LRP5: variants seen among roughly 807,000 people sequenced by gnomAD.
LRP5 encodes the protein low-density lipoprotein receptor-related protein 5.
A neutral mutation model predicts 154.1 loss-of-function variants in LRP5; 62 were observed. The ratio of observed to expected loss-of-function variants is 0.40; its 90% confidence interval spans 0.33 to 0.50. The LOEUF is 0.50. LRP5 is among the 20% of genes least tolerant of loss of function. LRP5 has a pLI of 0.55. For missense variants in LRP5, 1,915 were observed against 2,336.7 expected, an observed-to-expected ratio of 0.82 and a Z score of 3.72; for synonymous variants, 966 against 1,011.5, an observed-to-expected ratio of 0.96 and a Z score of 0.85.
Position 68,312,688 on chromosome 11 carries a change from C to G in LRP5, c.-27C>G. The G allele has an allele frequency of 1.0e-6, 1 of 984,434 alleles. No homozygotes were observed. 61.0% of individuals were successfully genotyped at this position (984,434 alleles called of 1,614,324 possible). A position where few individuals can be genotyped will look rare whatever the true frequency, so the allele number is the denominator to read the frequency against. ...CGCCATGGAGCCCGAGTGAGCGCGG[C>G]GCGGGCCCGTCCGGCCGCCGGACAA... On this transcript the variant is annotated 5_prime_UTR_variant, in exon 1 of 23. Transcript: ENST00000294304.
intron 5 of LRP5, among the ~76,000 whole-genome samples, chr11:68,384,334 A>T (rs1400125861): frequency 2.0e-5 from 3 of 152,158 alleles, no homozygotes; most frequent in Admixed American, 6.5e-5. Flanking sequence ...CTGCAGGGCC[A>T]GGTCTAGGGG....
chr11:68,340,152 A>G (rs961854471), intron 1 of LRP5, among the ~76,000 whole-genome samples: 1 of 152,210 alleles, frequency 6.6e-6, no homozygotes, highest in Admixed American at 6.5e-5. Context: ...AGGTGGGAGA[A>G]TCGCTTGAAA....
chr11:68,308,256 G>T (rs1006176793), upstream of LRP5, among the ~76,000 whole-genome samples: 4 of 151,834 alleles, frequency 2.6e-5, no homozygotes, highest in South Asian at 2.1e-4. Context: ...CTGCCGGGTT[G>T]GGGGGGGCTC....
chr11:68,419,588 G>A (rs113924640), intron 13 of LRP5, among the ~76,000 whole-genome samples: 3 of 149,186 alleles, frequency 2.0e-5, no homozygotes, highest in African/African-American at 5.0e-5. Context: ...CGCCCAGGCT[G>A]GAGTGCAGTG....
At chr11:68,448,690 C>A in intron 22 of LRP5, 119 bp from the exon 23 acceptor site, 1 of 1,307,596 alleles carries the variant, frequency 7.6e-7, no homozygotes, top group Non-Finnish European at 1.1e-6. Context: ...AGAGTCCGGC[C>A]TGCATCTTCT....
intron 1 of LRP5, among the ~76,000 whole-genome samples, chr11:68,317,503 C>T (rs562007078): frequency 2.0e-5 from 3 of 150,060 alleles, no homozygotes; most frequent in Admixed American, 2.0e-4. Flanking sequence ...AGGAGCAGAA[C>T]GGGGTGCTGG....
chr11:68,298,612 G>C, the LRP5 span, among the ~76,000 whole-genome samples: 1 of 152,154 alleles, frequency 6.6e-6, no homozygotes, highest in South Asian at 2.1e-4. Context: ...GTGATCTTTG[G>C]GCTCAGTGCC....
At chr11:68,437,050 G>A (rs1359748951) in intron 19 of LRP5, 51 bp downstream of exon 19, 1 of 1,496,624 alleles carries the variant, frequency 6.7e-7, no homozygotes, top group South Asian at 1.1e-5. Context: ...GGTTCCCCCA[G>A]GAACGTGGAG....
At chr11:68,415,006 G>A (rs1016617816) in intron 12 of LRP5, among the ~76,000 whole-genome samples, 3 of 152,222 alleles carry the variant, frequency 2.0e-5, no homozygotes, top group African/African-American at 7.2e-5. Flanking sequence ...CAGAGTCCCC[G>A]TCCTGTGGCC....
rs371514699 is a variant in LRP5 at position 68,386,357 on chromosome 11, C to T, written c.1057C>T (p.Arg353Trp). The T allele has an allele frequency of 1.1e-5, 17 of 1,613,392 alleles. No homozygotes were observed. The highest frequency in any genetic ancestry group is 1.4e-5 in the Non-Finnish European group (16 of 1,180,018). ...VLLLARRTDL[R>W]RISLDTPDFT... ...GCTGCTGGCCCGGCGGACGGACCTA[C>T]GGAGGATCTCGCTGGACACGCCGGA... Residue 353 changes from arginine to tryptophan, a missense_variant, in exon 6 of 23, where the codon CGG (arginine) becomes TGG (tryptophan). Physicochemically the swap from Arg to Trp is moderately radical, Grantham distance 101 (BLOSUM62 -3). Around this residue, in one of 3 missense-constraint regions of LRP5, gnomAD observed 773 missense variants for 1,100.9 expected, o/e 0.70. Transcript: ENST00000294304. The surrounding 1 kb of genome is among the most constrained non-coding windows in gnomAD (Gnocchi z 7.9).
chr11:68,329,956 T>C (rs1591181594), intron 1 of LRP5, among the ~76,000 whole-genome samples: 1 of 152,230 alleles, frequency 6.6e-6, no homozygotes, highest in East Asian at 1.9e-4. Flanking sequence ...CAGGTCAAAC[T>C]GGGACTCTGA....
At position 68,372,398 on chromosome 11, in the gene LRP5, G is replaced by T. The variant is rs529868046; in HGVS notation, c.1015+6696G>T. Among the ~76,000 whole-genome samples, 14 of 149,654 alleles carry T rather than the reference G, an allele frequency of 9.4e-5. No homozygotes were observed. In the South Asian group the frequency reaches 1.5e-3, roughly 16 times the overall value. On this transcript the variant is annotated intron_variant, in intron 5 of 22. Coordinates refer to ENST00000294304, the MANE Select transcript of LRP5 (RefSeq NM_002335.4). Reference sequence around the variant, plus strand: ...CCGGGACCGTGGTGGTGTTGAGGAGGTGCAGTGTCAGGCAGACCCGGGACC... The same window carrying T: ...CCGGGACCGTGGTGGTGTTGAGGAGTTGCAGTGTCAGGCAGACCCGGGACC...
At chr11:68,362,915 C>T (rs1234159514) in intron 3 of LRP5, among the ~76,000 whole-genome samples, 1 of 152,070 alleles carries the variant, frequency 6.6e-6, no homozygotes, top group Non-Finnish European at 1.5e-5. Context: ...CTCAGGGAGC[C>T]TGTCACGGGG....
At chr11:68,339,348 A>AT (rs1275851524) in intron 1 of LRP5, among the ~76,000 whole-genome samples, 10 of 150,296 alleles carry the variant, frequency 6.7e-5, no homozygotes, top group Middle Eastern at 3.2e-3. Context: ...CACCTGGCTA[A>AT]TTTTTTCTTT....
intron 7 of LRP5, among the ~76,000 whole-genome samples, chr11:68,400,457 C>T (rs963039039): frequency 2.0e-5 from 3 of 152,124 alleles, no homozygotes; most frequent in Non-Finnish European, 4.4e-5. Context: ...CGGTGGCTCA[C>T]GCCTGTAAAT....
chr11:68,324,173 A>G (rs1310068246), intron 1 of LRP5, among the ~76,000 whole-genome samples: 13 of 152,366 alleles, frequency 8.5e-5, no homozygotes, highest in Middle Eastern at 6.8e-3. Flanking sequence ...GCCGCAGAGC[A>G]GCCCCCAAGT....
intron 21 of LRP5, among the ~76,000 whole-genome samples, chr11:68,444,360 C>CA (rs1254516485): frequency 1.3e-5 from 2 of 151,904 alleles, no homozygotes; most frequent in Non-Finnish European, 2.9e-5. Context: ...ACTAAAAATA[C>CA]AAAAAAATTA....
At chr11:68,425,322 A>G (rs1486541606) in intron 15 of LRP5, 30 bp downstream of exon 15, 7 of 1,587,788 alleles carry the variant, frequency 4.4e-6, no homozygotes, top group Non-Finnish European at 6.0e-6. Context: ...CCCTAACCGC[A>G]GACACCCGGC....
At chr11:68,319,452 C>T (rs1251543131) in intron 1 of LRP5, among the ~76,000 whole-genome samples, 4 of 152,100 alleles carry the variant, frequency 2.6e-5, no homozygotes, top group Admixed American at 6.5e-5. Context: ...TGGGATCAAG[C>T]GATCCTCCCA....
Sources: allele counts gnomAD v4.1 joint callset (sites outside exome capture counted in the v4.1 genomes callset), GRCh38; gene constraint gnomAD v4.1.1; regional missense constraint gnomAD v4.1.1; non-coding constraint Gnocchi (gnomAD v3.1); transcripts MANE v1.5; gene names NCBI Gene and HGNC (gene_info 2026-07-23, HGNC 2026-07-21).